IGSF21: variants seen among roughly 807,000 people sequenced by gnomAD.
The protein encoded by IGSF21 is immunoglobin superfamily member 21, also known as immunoglobulin superfamily member 21.
Under a neutral mutation model 46.8 loss-of-function variants are expected in IGSF21, and 28 were observed. The ratio of observed to expected loss-of-function variants is 0.60; its 90% CI spans 0.44 to 0.82. The LOEUF (loss-of-function observed/expected upper bound fraction) is 0.82, where lower values mean the gene tolerates loss of function less well. IGSF21 is among the 40% of genes least tolerant of loss of function. The pLI is 0.00. For synonymous variants in IGSF21, 284 were observed against 273.6 expected, an observed-to-expected ratio of 1.04 and a Z score of -0.38; for missense variants, 624 against 665.5, an observed-to-expected ratio of 0.94 and a Z score of 0.69.
At chr1:18,272,572 T>C (rs1425196825) in intron 2 of IGSF21, among the ~76,000 whole-genome samples, 2 of 152,258 alleles carry the variant, frequency 1.3e-5, no homozygotes, top group Admixed American at 6.5e-5. Context: ...CACATCATTA[T>C]GTTCATGCTG....
At chr1:18,192,577 A>G (rs925992315) in intron 1 of IGSF21, among the ~76,000 whole-genome samples, 5 of 152,214 alleles carry the variant, frequency 3.3e-5, no homozygotes, top group African/African-American at 1.2e-4. Context: ...GCAGCTGGGC[A>G]TACTGGGGAC....
intron 3 of IGSF21, among the ~76,000 whole-genome samples, chr1:18,305,764 T>C (rs1392230219): frequency 1.3e-5 from 2 of 152,218 alleles, no homozygotes; most frequent in Non-Finnish European, 2.9e-5. Context: ...ATATGTACCA[T>C]TGCCTCTATT....
intron 1 of IGSF21, among the ~76,000 whole-genome samples, chr1:18,158,637 C>T (rs1014053443): frequency 2.0e-5 from 3 of 152,156 alleles, no homozygotes; most frequent in African/African-American, 7.2e-5. Flanking sequence ...GCTCCTGTGT[C>T]TTTCAATCTC....
chr1:18,211,336 C>T (rs570572069), intron 1 of IGSF21, among the ~76,000 whole-genome samples: 25 of 152,236 alleles, frequency 1.6e-4, no homozygotes, highest in Non-Finnish European at 2.6e-4. Context: ...TGGGAAAACC[C>T]TGTCACCTGA....
intron 1 of IGSF21, among the ~76,000 whole-genome samples, chr1:18,181,596 C>T (rs1244164783): frequency 6.6e-6 from 1 of 152,166 alleles, no homozygotes; most frequent in Non-Finnish European, 1.5e-5. Flanking sequence ...CCTAGCCATG[C>T]CCTGGAAAGA....
intron 2 of IGSF21, among the ~76,000 whole-genome samples, chr1:18,250,847 G>A (rs139210868): frequency 2.6e-4 from 39 of 152,294 alleles, no homozygotes; most frequent in African/African-American, 9.1e-4. Flanking sequence ...TTAGTGGGGT[G>A]AGGAGACAGA....
Position 18,365,808 on chromosome 1 carries a change from G to T in IGSF21, c.1015+111G>T. 1 of 838,164 alleles carries T rather than the reference G, an allele frequency of 1.2e-6. No individual in the cohort carries two copies. Among genetic ancestry groups the T allele is most frequent in the Non-Finnish European group, 1.8e-6 (1 of 542,670 alleles). 51.9% of individuals were successfully genotyped at this position (838,164 alleles called of 1,614,324 possible). ...CAGCCATGGAAAGGGGGAGGAGATG[G>T]AGCAAACTGGAGTCAGGATGAGCAC... On this transcript the variant is annotated intron_variant, in intron 6 of 9. Transcript: ENST00000251296. This position sits in a 1 kb window ranked among gnomAD's most constrained non-coding sequence, Gnocchi z 4.8.
intron 3 of IGSF21, among the ~76,000 whole-genome samples, chr1:18,301,767 G>C (rs969316894): frequency 1.3e-5 from 2 of 152,128 alleles, no homozygotes; most frequent in African/African-American, 2.4e-5. Flanking sequence ...AGGATGCTTG[G>C]TCCCTCCAAG....
chr1:18,240,287 A>G (rs1364296184), intron 2 of IGSF21, among the ~76,000 whole-genome samples: 2 of 152,238 alleles, frequency 1.3e-5, no homozygotes, highest in Non-Finnish European at 2.9e-5. Flanking sequence ...TCTCAAAAAC[A>G]AAAACAAAGA....
intron 2 of IGSF21, among the ~76,000 whole-genome samples, chr1:18,279,053 C>G (rs2085132741): frequency 6.6e-6 from 1 of 152,198 alleles, no homozygotes; most frequent in Admixed American, 6.5e-5. Context: ...AGACGGGCAA[C>G]CCTGGGATCA....
At chr1:18,340,404 A>G (rs1045590369) in intron 4 of IGSF21, among the ~76,000 whole-genome samples, 7 of 152,188 alleles carry the variant, frequency 4.6e-5, no homozygotes, top group Admixed American at 3.3e-4. Flanking sequence ...GGTAACATTC[A>G]AAAGAGGTGA....
In IGSF21 at chr1:18,372,283, C is replaced by T. The variant is rs141676619; in HGVS notation, c.1016-4027C>T. 5.3e-3 allele frequency among the ~76,000 whole-genome samples: 802 copies of T among 152,308 alleles called. 8 individuals carry two copies. The highest frequency in any genetic ancestry group is 0.018 in the African/African-American group (754 of 41,568). On this transcript the variant is annotated intron_variant, in intron 6 of 9. Coordinates refer to ENST00000251296, the MANE Select transcript of IGSF21 (RefSeq NM_032880.5). The stretch of plus-strand genomic sequence containing the variant: ...CATACAAAGTGCTTATAGTGACAGG[C>T]AGAGGAAATATTCAGGAAATATAAG...
intron 1 of IGSF21, among the ~76,000 whole-genome samples, chr1:18,215,790 G>A (rs1188076571): frequency 6.6e-6 from 1 of 152,128 alleles, no homozygotes; most frequent in Non-Finnish European, 1.5e-5. Flanking sequence ...AGGCAACAGG[G>A]AGACAAAGAA....
At chr1:18,294,338 C>T (rs1443411183) in intron 3 of IGSF21, among the ~76,000 whole-genome samples, 1 of 152,206 alleles carries the variant, frequency 6.6e-6, no homozygotes, top group South Asian at 2.1e-4. Context: ...CCTTCTCCCA[C>T]CATAAAACAA....
intron 2 of IGSF21, among the ~76,000 whole-genome samples, chr1:18,228,580 A>G (rs909084957): frequency 3.3e-5 from 5 of 152,162 alleles, no homozygotes; most frequent in African/African-American, 1.2e-4. Context: ...TCTTGAGCAC[A>G]AGGGGCCTTT....
intron 3 of IGSF21, among the ~76,000 whole-genome samples, chr1:18,311,927 A>G (rs972263788): frequency 2.0e-5 from 3 of 152,186 alleles, no homozygotes; most frequent in Non-Finnish European, 4.4e-5. Flanking sequence ...CTGTGTGGGG[A>G]CACAGCCAAA....
chr1:18,190,010 G>A (rs1386369379), intron 1 of IGSF21, among the ~76,000 whole-genome samples: 1 of 152,154 alleles, frequency 6.6e-6, no homozygotes, highest in Admixed American at 6.5e-5. Flanking sequence ...CCTGGGGGAT[G>A]GGGACTCCTC....
intron 2 of IGSF21, among the ~76,000 whole-genome samples, chr1:18,249,934 C>T (rs2084821737): frequency 6.6e-6 from 1 of 152,174 alleles, no homozygotes; most frequent in South Asian, 2.1e-4. Flanking sequence ...GCTGCCGGCT[C>T]TGCCATGAGG....
At chr1:18,184,350 C>T (rs1054920102) in intron 1 of IGSF21, among the ~76,000 whole-genome samples, 8 of 152,090 alleles carry the variant, frequency 5.3e-5, no homozygotes, top group Non-Finnish European at 1.2e-4. Flanking sequence ...CTCCCCCTCC[C>T]CAGGGCCTCC....
Sources: gnomAD v4.1 joint callset for allele counts (sites outside exome capture counted in the v4.1 genomes callset) on GRCh38, gnomAD v4.1.1 for gene constraint, Gnocchi (gnomAD v3.1) non-coding constraint, MANE v1.5 for transcripts, NCBI Gene and HGNC (gene_info 2026-07-23, HGNC 2026-07-21) for gene names.